KIAA0825: variants seen among roughly 807,000 people sequenced by gnomAD.
KIAA0825 encodes the protein uncharacterized protein KIAA0825.
In KIAA0825, 119 loss-of-function variants were observed where a neutral mutation model predicts 147.6. That is an observed-to-expected ratio of 0.81 (90% CI 0.69 to 0.94). KIAA0825 has a LOEUF of 0.94. Among genes scored for constraint, KIAA0825 ranks in the 40% least tolerant of loss-of-function variants. KIAA0825 has a pLI of 0.00. For synonymous variants in KIAA0825, 470 were observed against 518.1 expected, an observed-to-expected ratio of 0.91 and a Z score of 1.26; for missense variants, 1,381 against 1,472.7, an observed-to-expected ratio of 0.94 and a Z score of 1.02.
chr5:94,449,639 A>G (rs1325667435), intron 13 of KIAA0825, among the ~76,000 whole-genome samples: 10 of 152,350 alleles, frequency 6.6e-5, no homozygotes, highest in Non-Finnish European at 1.2e-4. Context: ...AGAAATAACA[A>G]CAGCTGGACA....
chr5:94,352,325 G>A (rs432282), intron 20 of KIAA0825, among the ~76,000 whole-genome samples: 58,580 of 151,988 alleles, frequency 0.39, 11,636 homozygotes, highest in African/African-American at 0.46. Context: ...AAAATGCTCA[G>A]CATCACTAAT....
At chr5:94,165,180 T>A (rs546295563) in intron 20 of KIAA0825, among the ~76,000 whole-genome samples, 1 of 152,200 alleles carries the variant, frequency 6.6e-6, no homozygotes, top group South Asian at 2.1e-4. Flanking sequence ...AGTCTAATAA[T>A]CTGATCAAAA....
intron 1 of KIAA0825, among the ~76,000 whole-genome samples, chr5:94,605,949 A>G (rs1355199663): frequency 1.3e-5 from 2 of 152,200 alleles, no homozygotes; most frequent in African/African-American, 4.8e-5. Context: ...AGGGCTTCCA[A>G]ATAGGAACAG....
chr5:94,257,719 C>T (rs982436306), intron 20 of KIAA0825, among the ~76,000 whole-genome samples: 5 of 152,042 alleles, frequency 3.3e-5, no homozygotes, highest in African/African-American at 1.2e-4. Flanking sequence ...GACTTACGAT[C>T]ATACAAGGTT....
intron 20 of KIAA0825, among the ~76,000 whole-genome samples, chr5:94,259,440 C>T (rs1220226662): frequency 1.3e-5 from 2 of 151,970 alleles, no homozygotes; most frequent in Non-Finnish European, 2.9e-5. Flanking sequence ...TGTAAAATAA[C>T]TCATGAAACA....
intron 20 of KIAA0825, among the ~76,000 whole-genome samples, chr5:94,268,911 A>C (rs889850512): frequency 6.6e-6 from 1 of 152,154 alleles, no homozygotes; most frequent in African/African-American, 2.4e-5. Flanking sequence ...TATGCCCCTC[A>C]AATTCCACAG....
chr5:94,452,935 A>C, intron 13 of KIAA0825, 24 bp downstream of exon 13: 1 of 1,153,734 alleles, frequency 8.7e-7, no homozygotes, highest in Non-Finnish European at 1.2e-6. Context: ...AATTATAGAT[A>C]GTATGGCATT....
At chr5:94,590,613 C>T (rs1784177212) in intron 1 of KIAA0825, among the ~76,000 whole-genome samples, 1 of 152,200 alleles carries the variant, frequency 6.6e-6, no homozygotes, top group African/African-American at 2.4e-5. Context: ...CACAAGGTTT[C>T]TTGTAAAATC....
intron 1 of KIAA0825, among the ~76,000 whole-genome samples, chr5:94,605,200 T>C (rs1478662881): frequency 2.0e-5 from 3 of 152,010 alleles, no homozygotes; most frequent in African/African-American, 4.8e-5. Flanking sequence ...ATACATCCTC[T>C]CATGACTGAA....
chr5:94,387,009 A>G (rs191112006), intron 18 of KIAA0825, among the ~76,000 whole-genome samples: 4 of 152,324 alleles, frequency 2.6e-5, no homozygotes, highest in Admixed American at 6.5e-5. Flanking sequence ...AAAAAAGCCA[A>G]TCTACAACAT....
chr5:94,527,441 G>C (rs1769540305), intron 3 of KIAA0825, among the ~76,000 whole-genome samples: 1 of 151,922 alleles, frequency 6.6e-6, no homozygotes, highest in African/African-American at 2.4e-5. Flanking sequence ...TAAATTATGA[G>C]AACTTTTTAA....
At chr5:94,457,011 T>C (rs116607109) in intron 12 of KIAA0825, among the ~76,000 whole-genome samples, 2,515 of 152,304 alleles carry the variant, frequency 0.017, 69 homozygotes, top group African/African-American at 0.057. Context: ...CTAAACTGTT[T>C]TACTCCACTG....
intron 1 of KIAA0825, 55 bp downstream of exon 1, chr5:94,618,445 G>GC (rs1680424355): frequency 6.6e-6 from 1 of 152,526 alleles, no homozygotes; most frequent in African/African-American, 2.4e-5. Flanking sequence ...GCTGCACAGA[G>GC]CCCCGGCCAG....
chr5:94,356,721 A>ATTTTTTTTTTTTTT (rs1156680490), intron 20 of KIAA0825, among the ~76,000 whole-genome samples: 39 of 112,518 alleles, frequency 3.5e-4, no homozygotes, highest in African/African-American at 6.5e-4. Flanking sequence ...GTTTAACTTG[A>ATTTTTTTTTTTTTT]TTTCTTTTTT....
At chr5:94,456,858 G>A (rs1759181745) in intron 12 of KIAA0825, among the ~76,000 whole-genome samples, 1 of 152,110 alleles carries the variant, frequency 6.6e-6, no homozygotes, top group Non-Finnish European at 1.5e-5. Context: ...TAGTCTAAAT[G>A]GTTGCCTAGC....
In KIAA0825 at chr5:94,191,341, T is replaced by G. The variant is rs183183110; in HGVS notation, c.3711-37217A>C. ...AATTTCATTCTAGAGAGAAAACATT[T>G]GGGTGATTAGGGGCAGGACTAAGCA... On this transcript the variant is annotated intron_variant, in intron 20 of 20. Transcript: ENST00000682413. Among the ~76,000 whole-genome samples the G allele has an allele frequency of 6.2e-4, 94 of 152,298 alleles. 1 individual carries two copies. The highest frequency in any genetic ancestry group is 2.2e-3 in the African/African-American group (92 of 41,570).
At chr5:94,214,604 T>G (rs1305930321) in intron 20 of KIAA0825, among the ~76,000 whole-genome samples, 1 of 152,182 alleles carries the variant, frequency 6.6e-6, no homozygotes, top group Non-Finnish European at 1.5e-5. Context: ...TATTCTTGCC[T>G]CAATCAAACC....
At chr5:94,175,620 T>G (rs897769804) in intron 20 of KIAA0825, among the ~76,000 whole-genome samples, 7 of 152,150 alleles carry the variant, frequency 4.6e-5, no homozygotes, top group African/African-American at 1.7e-4. Context: ...TAAGTTTCTC[T>G]CCCTTATTTA....
At chr5:94,537,741 T>C (rs1012849869) in intron 2 of KIAA0825, among the ~76,000 whole-genome samples, 2 of 151,702 alleles carry the variant, frequency 1.3e-5, no homozygotes, top group Non-Finnish European at 2.9e-5. Context: ...CGAAGAACTG[T>C]ACTGGAAGTG....
Sources: gnomAD v4.1 joint callset for allele counts (sites outside exome capture counted in the v4.1 genomes callset) on GRCh38, gnomAD v4.1.1 for gene constraint, MANE v1.5 for transcripts, NCBI Gene and HGNC (gene_info 2026-07-23, HGNC 2026-07-21) for gene names.